SCN7A: variants seen among roughly 807,000 people sequenced by gnomAD.
SCN7A encodes sodium channel protein type 7 subunit alpha.
Under a neutral mutation model 155.2 loss-of-function variants are expected in SCN7A, and 138 were observed. The ratio of observed to expected loss-of-function variants is 0.89; its 90% CI spans 0.77 to 1.02. The LOEUF is 1.02. Ranked by LOEUF, SCN7A falls within the 50% of genes least tolerant of loss-of-function variation. The pLI, the probability that SCN7A is intolerant of heterozygous loss-of-function variation, is 0.00. For missense variants in SCN7A, 2,058 were observed against 1,986.6 expected (o/e 1.04, Z -0.68); for synonymous variants, 693 against 649.0 (o/e 1.07, Z -1.03).
chr2:166,413,981 G>GTATATATATATATA (rs556351441), intron 21 of SCN7A, among the ~76,000 whole-genome samples: 905 of 53,434 alleles, frequency 0.017, 62 homozygotes, highest in African/African-American at 0.023. Flanking sequence ...ATGTGTATGT[G>GTATATATATATATA]TATATATATA....
rs755616801 is a variant in SCN7A at position 166,444,923 on chromosome 2, G to A, written c.1465C>T (p.Pro489Ser). ...AACTCTTTCAATTTTAACCAACAGG[G>A]AGAACAATTCCAGATCAAGAAAGTT... is the stretch of plus-strand genomic sequence containing the variant. Reference protein sequence around the residue: ...AKTFLIWNCSPCWLKLKEFVH... With the variant: ...AKTFLIWNCSSCWLKLKEFVH... The change falls in exon 13 of 26, where the codon CCC (proline) becomes TCC (serine). Residue 489 changes from proline (P) to serine (S), a missense_variant. By Grantham distance (74) the Pro-to-Ser change is moderately conservative. Transcript: ENST00000643258. 2 of 1,613,522 alleles carry A rather than the reference G, an allele frequency of 1.2e-6. No individual in the cohort carries two copies. The highest frequency in any genetic ancestry group is 1.7e-6 in the Non-Finnish European group (2 of 1,179,632).
intron 3 of SCN7A, among the ~76,000 whole-genome samples, chr2:166,475,512 AAC>A (rs1702778411): frequency 6.6e-6 from 1 of 151,570 alleles, no homozygotes; most frequent in Admixed American, 6.6e-5. Context: ...ATATTTTTCT[AAC>A]ACACAATCTG....
chr2:166,436,764 G>A (rs1358288178), intron 15 of SCN7A, among the ~76,000 whole-genome samples: 1 of 152,176 alleles, frequency 6.6e-6, no homozygotes, highest in African/African-American at 2.4e-5. Flanking sequence ...AGATGGATAT[G>A]AGGAACTTGT....
At chr2:166,467,717 C>A (rs1398086588) in intron 7 of SCN7A, among the ~76,000 whole-genome samples, 1 of 151,538 alleles carries the variant, frequency 6.6e-6, no homozygotes, top group East Asian at 1.9e-4. Flanking sequence ...TCTTAATTTT[C>A]TGGTATAACT....
chr2:166,481,896 G>A (rs1230717166), intron 2 of SCN7A, among the ~76,000 whole-genome samples: 2 of 152,154 alleles, frequency 1.3e-5, no homozygotes, highest in Admixed American at 1.3e-4. Context: ...TCAATGAGGT[G>A]AAGCCAGAAG....
intron 21 of SCN7A, among the ~76,000 whole-genome samples, chr2:166,416,450 C>T (rs768778165): frequency 6.6e-6 from 1 of 152,084 alleles, no homozygotes; most frequent in South Asian, 2.1e-4. Context: ...CCCCGGCGGC[C>T]CAGCTGTAAA....
In SCN7A at chr2:166,406,488, A is replaced by G. The variant is rs780688703; in HGVS notation, c.4141T>C (p.Leu1381=). 24 of 1,612,946 alleles carry G rather than the reference A, an allele frequency of 1.5e-5. No homozygotes were observed. Among genetic ancestry groups the G allele is most frequent in the Middle Eastern group, 1.7e-4 (1 of 6,046 alleles). The change falls in exon 26 of 26, where the codon TTG becomes CTG. Residue 1381 remains leucine, a synonymous_variant. Coordinates refer to ENST00000643258, the MANE Select transcript of SCN7A (RefSeq NM_002976.4). ...AGGAAGATGAGAAGAATGATGTTCA[A>G]TAATGCTGGGAGGGACAGCATCAAA... The part of the protein sequence containing the change: ...LPLMLSLPAL[L]NIILLIFLVM...
At chr2:166,417,544 AAC>A (rs1328663830) in intron 20 of SCN7A, among the ~76,000 whole-genome samples, 1 of 152,014 alleles carries the variant, frequency 6.6e-6, no homozygotes, top group Non-Finnish European at 1.5e-5. Flanking sequence ...ATTAAATGGC[AAC>A]AGAGCTAATT....
chr2:166,450,480 A>C (rs1415996760), intron 11 of SCN7A, among the ~76,000 whole-genome samples: 1 of 152,110 alleles, frequency 6.6e-6, no homozygotes, highest in Non-Finnish European at 1.5e-5. Flanking sequence ...AGAAAAAGAA[A>C]AGAAATTTAA....
chr2:166,457,263 C>A (rs186229370), intron 10 of SCN7A, among the ~76,000 whole-genome samples, 187 bp from the exon 11 acceptor site: 14 of 152,216 alleles, frequency 9.2e-5, no homozygotes, highest in African/African-American at 3.4e-4. Flanking sequence ...GAACTTGAGA[C>A]CTGCATGTAA....
In SCN7A at chr2:166,445,008, G is replaced by A; in HGVS notation, c.1388-8C>T. The A allele has an allele frequency of 1.3e-6, 2 of 1,555,988 alleles. No homozygotes were observed. Among genetic ancestry groups the A allele is most frequent in the South Asian group, 1.1e-5 (1 of 89,078 alleles). Reference sequence around the variant, plus strand: ...TCTTGGATTTTTCAAGTTCTGAAATGAAAGAATACAAAAGTTAAACATTCT... The same window carrying A: ...TCTTGGATTTTTCAAGTTCTGAAATAAAAGAATACAAAAGTTAAACATTCT... On this transcript the variant is annotated splice_region_variant and splice_polypyrimidine_tract_variant and intron_variant, in intron 12 of 25. Transcript: ENST00000643258.
chr2:166,410,193 T>C (rs1349041331), intron 24 of SCN7A, 27 bp downstream of exon 24: 1 of 1,474,852 alleles, frequency 6.8e-7, no homozygotes, highest in Non-Finnish European at 9.2e-7. Flanking sequence ...TCCATTGAAG[T>C]TTCAAAAAAT....
intron 2 of SCN7A, among the ~76,000 whole-genome samples, chr2:166,484,729 A>G (rs1703007957): frequency 6.6e-6 from 1 of 152,026 alleles, no homozygotes; most frequent in South Asian, 2.1e-4. Context: ...AAGCATGATC[A>G]CTGCCTTCTT....
In SCN7A at chr2:166,462,371, A is replaced by G. The variant is rs1467360597; in HGVS notation, c.1083+18T>C. The G allele has an allele frequency of 1.3e-6, 2 of 1,573,398 alleles. No individual in the cohort carries two copies. The highest frequency in any genetic ancestry group is 2.7e-5 in the African/African-American group (2 of 74,088). ...TGGTGCCATTCCTAAGTACAGTACA[A>G]TTTCTCTCTGTTCTTACCTGGTGAT... On this transcript the variant is annotated intron_variant, in intron 10 of 25. Transcript: ENST00000643258.
chr2:166,405,734 A>C lies in SCN7A; in HGVS notation c.4895T>G (p.Ile1632Ser), dbSNP rs763443838. 2 of 1,613,104 alleles carry C rather than the reference A, an allele frequency of 1.2e-6. No homozygotes were observed. Among genetic ancestry groups the C allele is most frequent in the Non-Finnish European group, 1.7e-6 (2 of 1,179,358 alleles). Reference sequence around the variant, plus strand: ...GCGGTAATTTTTATAAGCACGTTGAATGATGGTTGCTGAAACTGCCTCTTG... The same window carrying C: ...GCGGTAATTTTTATAAGCACGTTGACTGATGGTTGCTGAAACTGCCTCTTG... ...RKQEAVSATI[I>S]QRAYKNYRLR... Residue 1632 changes from isoleucine to serine, a missense_variant, in exon 26 of 26, where the codon ATT (isoleucine) becomes AGT (serine). Transcript: ENST00000643258.
chr2:166,447,611 C>T lies in SCN7A; in HGVS notation c.1387+1G>A. On this transcript the variant is annotated splice_donor_variant, in intron 12 of 25. Transcript: ENST00000643258. LOFTEE classifies it high-confidence loss of function. ...GAGTGTCTACTTATTTAGTACTTTA[C>T]CTTCCTTATGTCTGAGAGTAGCATC... 1 of 1,598,024 alleles carries T rather than the reference C, an allele frequency of 6.3e-7. No individual in the cohort carries two copies. Among genetic ancestry groups the T allele is most frequent in the Non-Finnish European group, 8.6e-7 (1 of 1,166,346 alleles).
rs551440076 is a variant in SCN7A at position 166,406,408 on chromosome 2, T to C, written c.4221A>G (p.Lys1407=). Residue 1407 remains lysine (K), a synonymous_variant, in exon 26 of 26, where the codon AAA becomes AAG. Transcript: ENST00000643258. ...TAGACACATCATTAATTCCAGCTTC[T>C]TTTTTAACATAGGCAAAATTATACA... ...FGMYNFAYVK[K]EAGINDVSNF... 1,420 of 1,613,002 alleles carry C rather than the reference T, an allele frequency of 8.8e-4. 29 individuals are homozygous for C. In the South Asian group the frequency reaches 0.015, roughly 17 times the overall value.
intron 2 of SCN7A, among the ~76,000 whole-genome samples, chr2:166,479,801 A>C (rs1553520978): frequency 1.3e-5 from 2 of 152,116 alleles, no homozygotes; most frequent in Non-Finnish European, 2.9e-5. Flanking sequence ...ATATTTTTGC[A>C]ATAGCAGTGG....
intron 17 of SCN7A, among the ~76,000 whole-genome samples, chr2:166,428,662 T>C (rs978066841): frequency 6.6e-6 from 1 of 152,096 alleles, no homozygotes; most frequent in African/African-American, 2.4e-5. Flanking sequence ...GAATTTTGTC[T>C]TGTGTTAAAT....
Sources: allele counts gnomAD v4.1 joint callset (sites outside exome capture counted in the v4.1 genomes callset), GRCh38; gene constraint gnomAD v4.1.1; transcripts MANE v1.5; gene names NCBI Gene and HGNC (gene_info 2026-07-23, HGNC 2026-07-21).